Variants in SYTL2 observed in about 807,000 individuals in gnomAD.
SYTL2 encodes synaptotagmin-like protein 2.
Under a neutral mutation model 198.7 loss-of-function variants are expected in SYTL2, and 165 were observed. The ratio of observed to expected loss-of-function variants is 0.83; its 90% CI spans 0.73 to 0.94. SYTL2 has a LOEUF of 0.94. Among genes scored for constraint, SYTL2 ranks in the 40% least tolerant of loss-of-function variants. The pLI, the probability that SYTL2 is intolerant of heterozygous loss-of-function variation, is 0.00. For missense variants in SYTL2, 2,835 were observed against 2,582.8 expected (o/e 1.10, Z -2.12); for synonymous variants, 966 against 917.7 (o/e 1.05, Z -0.95).
chr11:85,786,585 C>T (rs1029189019), intron 1 of SYTL2, among the ~76,000 whole-genome samples: 10 of 152,108 alleles, frequency 6.6e-5, no homozygotes, highest in South Asian at 2.1e-4. Flanking sequence ...CATTCTGAAG[C>T]GACCTCTCCT....
rs372066215 is a variant in SYTL2 at position 85,725,815 on chromosome 11, C to T, written c.3543G>A (p.Glu1181=). The change falls in exon 8 of 20, where the codon GAG becomes GAA. Residue 1181 remains glutamate (E), a synonymous_variant. Transcript: ENST00000359152. ...WPQKTDFADT[E]EEVKGPEKII... is the part of the protein sequence containing the mutation. ...TCTTCTCAGGTCCTTTGACTTCTTC[C>T]TCAGTATCAGCAAAATCTGTTTTTT... The T allele has an allele frequency of 6.2e-7, 1 of 1,614,070 alleles. No individual in the cohort carries two copies. Among genetic ancestry groups the T allele is most frequent in the Non-Finnish European group, 8.5e-7 (1 of 1,179,966 alleles).
intron 4 of SYTL2, among the ~76,000 whole-genome samples, chr11:85,745,228 T>C (rs766212966): frequency 3.9e-5 from 6 of 152,220 alleles, no homozygotes; most frequent in Non-Finnish European, 7.3e-5. Flanking sequence ...TATCTGGTTC[T>C]TGTGCTTGAG....
rs557373929 is a variant in SYTL2 at position 85,699,961 on chromosome 11, C to T, written c.6268+554G>A. Among the ~76,000 whole-genome samples the T allele has an allele frequency of 2.0e-5, 3 of 152,300 alleles. No homozygotes were observed. The South Asian group carries it at 6.2e-4, about 32-fold the overall frequency. ...TAATTCCCACCTGTGAAAAAGAACA[C>T]TCAGGTTCTATTCTTATAGCACTAT... On this transcript the variant is annotated intron_variant, in intron 17 of 19. Coordinates refer to ENST00000359152, the MANE Select transcript of SYTL2 (RefSeq NM_206927.4).
intron 1 of SYTL2, among the ~76,000 whole-genome samples, chr11:85,802,373 C>T (rs956165905): frequency 6.6e-6 from 1 of 152,026 alleles, no homozygotes; most frequent in Non-Finnish European, 1.5e-5. Context: ...AGGTGCCCAC[C>T]ACCAGGCCCA....
At chr11:85,838,091 C>A in the SYTL2 span, among the ~76,000 whole-genome samples, 8 of 152,200 alleles carry the variant, frequency 5.3e-5, no homozygotes, top group East Asian at 1.9e-4. Flanking sequence ...TCCGGGGGAA[C>A]AAAATCACTC....
At chr11:85,735,647 C>T (rs2090267120) in intron 6 of SYTL2, among the ~76,000 whole-genome samples, 1 of 151,904 alleles carries the variant, frequency 6.6e-6, no homozygotes, top group Non-Finnish European at 1.5e-5. Context: ...GTCCCAGCTA[C>T]TCAGAAGGCT....
intron 10 of SYTL2, chr11:85,718,583 A>G: frequency 1.7e-6 from 1 of 583,296 alleles, no homozygotes; most frequent in Non-Finnish European, 3.1e-6. Flanking sequence ...TGAGATCCTC[A>G]TGACAGTATC....
intron 1 of SYTL2, among the ~76,000 whole-genome samples, chr11:85,802,513 G>T (rs575630513): frequency 6.6e-6 from 1 of 152,222 alleles, no homozygotes; most frequent in Admixed American, 6.5e-5. Context: ...CCTGGCAGTT[G>T]CTCTCTCAGC....
At chr11:85,752,380 G>A (rs981059689) in intron 2 of SYTL2, among the ~76,000 whole-genome samples, 1 of 152,204 alleles carries the variant, frequency 6.6e-6, no homozygotes, top group Middle Eastern at 3.4e-3. Flanking sequence ...AAGTTAAGAG[G>A]CTTGCCCAAG....
rs766026128 is a variant in SYTL2 at position 85,725,065 on chromosome 11, C to T, written c.4293G>A (p.Lys1431=). ...GAACTACATTGGAGGAATAAAAATC[C>T]TTCCTGTCTGGAACTATGGTGTCCA... ...ATMDTIVPDR[K]DFYSSNVVPD... Residue 1431 remains lysine, a synonymous_variant, in exon 8 of 20, where the codon AAG becomes AAA. Coordinates refer to ENST00000359152, the MANE Select transcript of SYTL2 (RefSeq NM_206927.4). 1.9e-6 allele frequency: 3 copies of T among 1,614,006 alleles called. No individual in the cohort carries two copies. The highest frequency in any genetic ancestry group is 1.3e-5 in the African/African-American group (1 of 74,902).
intron 1 of SYTL2, among the ~76,000 whole-genome samples, chr11:85,805,192 A>T (rs2092942021): frequency 6.6e-6 from 1 of 152,056 alleles, no homozygotes; most frequent in African/African-American, 2.4e-5. Context: ...ACCCTAGACT[A>T]TAACTAAAAG....
intron 8 of SYTL2, among the ~76,000 whole-genome samples, chr11:85,721,373 T>C (rs528695938): frequency 2.4e-4 from 36 of 152,210 alleles, no homozygotes; most frequent in African/African-American, 8.7e-4. Context: ...TTCAGATGTT[T>C]AACATCTGTG....
At chr11:85,733,890 C>T (rs747209971) in intron 7 of SYTL2, 49 bp downstream of exon 7, 31 of 1,538,462 alleles carry the variant, frequency 2.0e-5, no homozygotes, top group African/African-American at 8.2e-5. Context: ...TGAGCCACCG[C>T]GCCCGGCCCC....
Position 85,715,651 on chromosome 11 carries a change from C to T in SYTL2, c.5531-1144G>A, listed in dbSNP as rs77558683. On this transcript the variant is annotated intron_variant, in intron 11 of 19. Coordinates refer to ENST00000359152, the MANE Select transcript of SYTL2 (RefSeq NM_206927.4). Reference sequence around the variant, plus strand: ...TCCTTGCTCACATAACAATTTTCACCTATCCTTAGGCTCCCATAGGTAAAT... The same window carrying T: ...TCCTTGCTCACATAACAATTTTCACTTATCCTTAGGCTCCCATAGGTAAAT... Among the ~76,000 whole-genome samples, 535 of 152,252 alleles carry T rather than the reference C, an allele frequency of 3.5e-3. 4 individuals are homozygous for T. The highest frequency in any genetic ancestry group is 0.012 in the African/African-American group (480 of 41,552).
intron 9 of SYTL2, 77 bp downstream of exon 9, chr11:85,720,781 A>G: frequency 1.0e-6 from 1 of 1,004,654 alleles, no homozygotes; most frequent in Non-Finnish European, 1.6e-6. Context: ...AACAGCACGC[A>G]GTGAGGCTAC....
the SYTL2 span, among the ~76,000 whole-genome samples, chr11:85,822,776 C>T: frequency 6.6e-6 from 1 of 152,152 alleles, no homozygotes; most frequent in Non-Finnish European, 1.5e-5. Context: ...AGTATCAATC[C>T]AAAGAGCCTG....
chr11:85,752,917 TAAAAA>T (rs1162431708), intron 2 of SYTL2, among the ~76,000 whole-genome samples: 128 of 17,672 alleles, frequency 7.2e-3, no homozygotes, highest in African/African-American at 0.017. Flanking sequence ...CTGCCTTCAT[TAAAAA>T]AAAAAAAAAA....
At chr11:85,735,250 CACTGTACATTTAAGATT>C (rs1261776289) in intron 6 of SYTL2, among the ~76,000 whole-genome samples, 3 of 152,110 alleles carry the variant, frequency 2.0e-5, no homozygotes, top group African/African-American at 7.2e-5. Flanking sequence ...AACTTCATTG[CACTGTACATTTAAGATT>C]ACTGTGCTTT....
Position 85,751,461 on chromosome 11 carries a change from G to C in SYTL2, c.102-3038C>G, listed in dbSNP as rs144113643. On this transcript the variant is annotated intron_variant, in intron 2 of 19. Transcript: ENST00000359152. ...AATTATCGTACCATCTAGATGAAGA[G>C]AGAAAGGGGTAAGTTTCTTGGGACT... Among the ~76,000 whole-genome samples, 46 of 152,258 alleles carry C rather than the reference G, an allele frequency of 3.0e-4. No individual in the cohort carries two copies. The East Asian group carries it at 6.2e-3, about 20-fold the overall frequency.
Sources: allele counts gnomAD v4.1 joint callset (sites outside exome capture counted in the v4.1 genomes callset), GRCh38; gene constraint gnomAD v4.1.1; transcripts MANE v1.5; gene names NCBI Gene and HGNC (gene_info 2026-07-23, HGNC 2026-07-21).